The following COBL variants were observed in gnomAD, a reference collection of about 807,000 sequenced individuals.
COBL encodes the protein cordon-bleu WH2 repeat protein.
In COBL, 51 loss-of-function variants were observed where a neutral mutation model predicts 98.8. That is an observed-to-expected ratio of 0.52 (90% CI 0.41 to 0.65). The LOEUF (loss-of-function observed/expected upper bound fraction) is 0.65. Ranked by LOEUF, COBL falls within the 30% of genes least tolerant of loss-of-function variation. The pLI, the probability that COBL is intolerant of heterozygous loss-of-function variation, is 0.00. For missense variants in COBL, 1,617 were observed against 1,617.5 expected, an observed-to-expected ratio of 1.00 and a Z score of 0.01; for synonymous variants, 634 against 651.7, an observed-to-expected ratio of 0.97 and a Z score of 0.41.
At chr7:51,056,564 A>G (rs1332079417) in intron 7 of COBL, among the ~76,000 whole-genome samples, 1 of 152,110 alleles carries the variant, frequency 6.6e-6, no homozygotes, top group Non-Finnish European at 1.5e-5. Context: ...ATTTGTATCA[A>G]TTGCCTGAAG....
At chr7:51,133,633 A>C (rs1172542745) in intron 6 of COBL, among the ~76,000 whole-genome samples, 1 of 152,220 alleles carries the variant, frequency 6.6e-6, no homozygotes, top group African/African-American at 2.4e-5. Context: ...AAGGTGCCTT[A>C]ATGTGTACAA....
intron 4 of COBL, among the ~76,000 whole-genome samples, chr7:51,185,374 G>A (rs1248694417): frequency 6.6e-6 from 1 of 152,208 alleles, no homozygotes; most frequent in East Asian, 1.9e-4. Flanking sequence ...TGGGAGTGGT[G>A]CTGAGAGATT....
At chr7:51,019,571 G>A (rs13243675) in intron 12 of COBL, among the ~76,000 whole-genome samples, 1 of 152,194 alleles carries the variant, frequency 6.6e-6, no homozygotes, top group African/African-American at 2.4e-5. Context: ...GAGGAGTGGA[G>A]AACAGCATTT....
At chr7:51,253,579 GGAGA>G (rs1796936186) in intron 1 of COBL, among the ~76,000 whole-genome samples, 1 of 152,200 alleles carries the variant, frequency 6.6e-6, no homozygotes, top group African/African-American at 2.4e-5. Flanking sequence ...AGAGTGAAAA[GGAGA>G]GTGAGAGAAT....
At chr7:51,161,751 T>C (rs188800836) in intron 5 of COBL, among the ~76,000 whole-genome samples, 207 of 152,308 alleles carry the variant, frequency 1.4e-3, no homozygotes, top group South Asian at 4.4e-3. Flanking sequence ...GTCAAATTTA[T>C]AGAATTTGGA....
intron 1 of COBL, among the ~76,000 whole-genome samples, chr7:51,224,915 G>A (rs766315245): frequency 9.9e-5 from 15 of 152,178 alleles, no homozygotes; most frequent in Non-Finnish European, 2.2e-4. Flanking sequence ...GCCTGCATGT[G>A]GGTGACCTGT....
rs1271877311 is a variant in COBL at position 51,016,886 on chromosome 7, T to C, written c.*665A>G. ...GGCATGCCCTGGCCACATGATCACG[T>C]AGGACTGTTTTCTGGGTGGTAATAG... On this transcript the variant is annotated 3_prime_UTR_variant, in exon 13 of 13. Coordinates refer to ENST00000265136, the MANE Select transcript of COBL (RefSeq NM_015198.5). The C allele has an allele frequency of 5.0e-6, 2 of 399,566 alleles. No individual in the cohort carries two copies. The highest frequency in any genetic ancestry group is 4.4e-5 in the Admixed American group (1 of 22,818). The allele number at this position is 399,566 out of a possible 1,614,324, so 24.8% of individuals were successfully genotyped here. A position where few individuals can be genotyped will look rare whatever the true frequency, so the allele number is the denominator to read the frequency against.
chr7:51,254,659 C>T lies in COBL; in HGVS notation c.42-34715G>A, dbSNP rs1584318745. ...ATCAGATTCTAGAATGGTTGACTAC[C>T]TAGAATTCTCTAGAAAGTGGCCTAC... On this transcript the variant is annotated intron_variant, in intron 1 of 12. Coordinates refer to ENST00000265136, the MANE Select transcript of COBL (RefSeq NM_015198.5). 3.3e-5 allele frequency among the ~76,000 whole-genome samples: 5 copies of T among 152,246 alleles called. No individual in the cohort carries two copies. The South Asian group carries it at 1.0e-3, about 32-fold the overall frequency.
At chr7:51,218,986 CAGTA>C (rs1793357553) in intron 2 of COBL, among the ~76,000 whole-genome samples, 1 of 152,146 alleles carries the variant, frequency 6.6e-6, no homozygotes, top group Non-Finnish European at 1.5e-5. Flanking sequence ...CTAAAAGTAT[CAGTA>C]AGAATAGCAC....
chr7:51,240,864 A>G (rs1795727693), intron 1 of COBL, among the ~76,000 whole-genome samples: 1 of 152,170 alleles, frequency 6.6e-6, no homozygotes, highest in Non-Finnish European at 1.5e-5. Flanking sequence ...TAAATTAGGT[A>G]CTACACATCC....
chr7:51,037,289 T>C (rs1367294021), intron 8 of COBL, among the ~76,000 whole-genome samples: 1 of 152,230 alleles, frequency 6.6e-6, no homozygotes, highest in Non-Finnish European at 1.5e-5. Context: ...TGTTGAAGGC[T>C]AGCAATGTAT....
intron 6 of COBL, among the ~76,000 whole-genome samples, chr7:51,103,076 T>A (rs563746525): frequency 6.6e-6 from 1 of 152,168 alleles, no homozygotes. Context: ...CACAAAAAAA[T>A]AACATTCTTA....
At chr7:51,289,481 C>A (rs1800689870) in intron 1 of COBL, among the ~76,000 whole-genome samples, 1 of 152,238 alleles carries the variant, frequency 6.6e-6, no homozygotes, top group South Asian at 2.1e-4. Flanking sequence ...GGCTCCTCCA[C>A]TGCCTACAAC....
intron 7 of COBL, among the ~76,000 whole-genome samples, chr7:51,057,127 G>T (rs762451988): frequency 6.6e-6 from 1 of 152,168 alleles, no homozygotes; most frequent in Non-Finnish European, 1.5e-5. Flanking sequence ...ACTGTCTCAA[G>T]GTTGCAGAGA....
intron 1 of COBL, among the ~76,000 whole-genome samples, chr7:51,257,050 T>C (rs920387453): frequency 1.3e-5 from 2 of 152,190 alleles, no homozygotes; most frequent in African/African-American, 2.4e-5. Flanking sequence ...TATTGTTGCA[T>C]AGCCTGCATT....
chr7:51,066,016 G>A (rs1171972850), intron 7 of COBL, among the ~76,000 whole-genome samples: 1 of 152,314 alleles, frequency 6.6e-6, no homozygotes, highest in South Asian at 2.1e-4. Flanking sequence ...CCAGGACAGT[G>A]AGAGAATAAA....
intron 2 of COBL, among the ~76,000 whole-genome samples, chr7:51,203,300 A>C (rs1364127125): frequency 2.8e-5 from 4 of 145,102 alleles, no homozygotes; most frequent in Admixed American, 6.8e-5. Context: ...GTCTCTACTA[A>C]AAATACAAAA....
At chr7:51,042,438 C>T (rs993926493) in intron 8 of COBL, among the ~76,000 whole-genome samples, 4 of 152,138 alleles carry the variant, frequency 2.6e-5, no homozygotes, top group African/African-American at 4.8e-5. Context: ...CAACTCACTG[C>T]AACCTTCACC....
chr7:51,043,125 ATG>A (rs1789362896), intron 8 of COBL, among the ~76,000 whole-genome samples: 1 of 152,254 alleles, frequency 6.6e-6, no homozygotes, highest in South Asian at 2.1e-4. Flanking sequence ...TCTTACAAAC[ATG>A]ATATTGAGTA....
Sources: gnomAD v4.1 joint callset for allele counts (sites outside exome capture counted in the v4.1 genomes callset) on GRCh38, gnomAD v4.1.1 for gene constraint, MANE v1.5 for transcripts, NCBI Gene and HGNC (gene_info 2026-07-23, HGNC 2026-07-21) for gene names.